The following IPCEF1 variants were observed in gnomAD, a reference collection of about 807,000 sequenced individuals.
IPCEF1 encodes interaction protein for cytohesin exchange factors 1.
Under a neutral mutation model 50.9 loss-of-function variants are expected in IPCEF1, and 31 were observed. The observed-to-expected ratio is 0.61, with a 90% CI of 0.46 to 0.82. The LOEUF (loss-of-function observed/expected upper bound fraction) is 0.82. IPCEF1 is among the 40% of genes least tolerant of loss of function. The pLI is 0.00. For missense variants in IPCEF1, 458 were observed against 514.0 expected, an observed-to-expected ratio of 0.89 and a Z score of 1.05; for synonymous variants, 181 against 192.0, an observed-to-expected ratio of 0.94 and a Z score of 0.47.
intron 10 of IPCEF1, among the ~76,000 whole-genome samples, chr6:154,177,025 C>G (rs1800391902): frequency 6.6e-6 from 1 of 152,154 alleles, no homozygotes; most frequent in Non-Finnish European, 1.5e-5. Context: ...CTGACAAAAA[C>G]AAGCAATGGG....
chr6:154,246,547 C>T (rs763481386), intron 5 of IPCEF1, 44 bp downstream of exon 5: 10 of 1,569,394 alleles, frequency 6.4e-6, no homozygotes, highest in Middle Eastern at 1.7e-4. Flanking sequence ...TTAACGTATC[C>T]CTCATTAAAA....
At chr6:154,280,273 AC>A (rs1361340888) in intron 2 of IPCEF1, among the ~76,000 whole-genome samples, 1 of 152,214 alleles carries the variant, frequency 6.6e-6, no homozygotes, top group East Asian at 1.9e-4. Context: ...AACAACCAGA[AC>A]AAAAAACAGG....
chr6:154,334,490 C>T (rs1000454095), intron 1 of IPCEF1, among the ~76,000 whole-genome samples: 2 of 152,156 alleles, frequency 1.3e-5, no homozygotes, highest in African/African-American at 2.4e-5. Flanking sequence ...TAAGGTTCTC[C>T]CAACCCACCC....
intron 10 of IPCEF1, among the ~76,000 whole-genome samples, chr6:154,186,746 G>C (rs924814770): frequency 6.6e-6 from 1 of 151,822 alleles, no homozygotes; most frequent in Non-Finnish European, 1.5e-5. Context: ...TTAGTAGAGA[G>C]GGGGTTTCAC....
At chr6:154,218,088 T>G (rs1307495096) in intron 7 of IPCEF1, among the ~76,000 whole-genome samples, 1 of 152,216 alleles carries the variant, frequency 6.6e-6, no homozygotes, top group Admixed American at 6.5e-5. Flanking sequence ...GCTAAGAACT[T>G]TTTTTAAAAC....
chr6:154,174,066 C>T (rs1250814720), intron 10 of IPCEF1, among the ~76,000 whole-genome samples: 1 of 152,120 alleles, frequency 6.6e-6, no homozygotes, highest in Non-Finnish European at 1.5e-5. Context: ...CATATCCAGC[C>T]AAACTAAGCT....
At chr6:154,330,957 C>T (rs1033196466) in intron 1 of IPCEF1, among the ~76,000 whole-genome samples, 2 of 152,126 alleles carry the variant, frequency 1.3e-5, no homozygotes, top group African/African-American at 4.8e-5. Context: ...CTCCTTCCTA[C>T]CCCAGGGATG....
chr6:154,321,123 G>A (rs1783363367), intron 1 of IPCEF1, among the ~76,000 whole-genome samples: 1 of 151,454 alleles, frequency 6.6e-6, no homozygotes, highest in Non-Finnish European at 1.5e-5. Flanking sequence ...TAGCGACGGG[G>A]TTTCTCTGTG....
At chr6:154,250,175 C>G (rs1465850500) in intron 3 of IPCEF1, among the ~76,000 whole-genome samples, 1 of 151,686 alleles carries the variant, frequency 6.6e-6, no homozygotes, top group Admixed American at 6.6e-5. Context: ...ATAGATTTTA[C>G]TCCTCACAAC....
At chr6:154,242,012 A>T (rs1469744401) in intron 5 of IPCEF1, among the ~76,000 whole-genome samples, 7 of 152,220 alleles carry the variant, frequency 4.6e-5, no homozygotes, top group Non-Finnish European at 1.5e-5. Flanking sequence ...ACTTTGAGCA[A>T]GTTACTTAAA....
intron 5 of IPCEF1, among the ~76,000 whole-genome samples, chr6:154,228,601 A>G (rs1424428033): frequency 6.6e-6 from 1 of 152,178 alleles, no homozygotes; most frequent in Non-Finnish European, 1.5e-5. Flanking sequence ...AGTTGCTGTC[A>G]TTAGGCAGCA....
intron 1 of IPCEF1, among the ~76,000 whole-genome samples, chr6:154,330,536 G>A (rs1173050503): frequency 6.6e-6 from 1 of 151,854 alleles, no homozygotes; most frequent in Non-Finnish European, 1.5e-5. Context: ...ATGTTGCCCA[G>A]GCTGGTCTAA....
At chr6:154,202,286 T>C (rs1777133526) in intron 9 of IPCEF1, among the ~76,000 whole-genome samples, 2 of 152,230 alleles carry the variant, frequency 1.3e-5, no homozygotes, top group South Asian at 4.1e-4. Context: ...AAGTACCTTG[T>C]AAACTGGTTA....
At chr6:154,200,461 C>T (rs1776971226) in intron 9 of IPCEF1, among the ~76,000 whole-genome samples, 1 of 152,210 alleles carries the variant, frequency 6.6e-6, no homozygotes, top group Non-Finnish European at 1.5e-5. Context: ...TGGCTCATGC[C>T]TGTAATCCCA....
chr6:154,177,432 A>T (rs1035774395), intron 10 of IPCEF1, among the ~76,000 whole-genome samples: 1 of 152,240 alleles, frequency 6.6e-6, no homozygotes, highest in Admixed American at 6.5e-5. Flanking sequence ...GAACATAAAC[A>T]AATTTATAAG....
rs960519697 is a variant in IPCEF1, at chr6:154,339,452, T to A, written c.-62+17220A>T. Among the ~76,000 whole-genome samples the A allele has an allele frequency of 9.2e-5, 14 of 151,470 alleles. 1 individual carries two copies. In the South Asian group the frequency reaches 1.9e-3, roughly 20 times the overall value. ...TTAATCTTTAATTTTTTTTTTTTTT[T>A]AATTTAGAGATAGCGTCTTGCTATA... On this transcript the variant is annotated intron_variant, in intron 1 of 11. Transcript: ENST00000367220.
chr6:154,288,685 A>C (rs907596173), intron 2 of IPCEF1, among the ~76,000 whole-genome samples: 352 of 27,032 alleles, frequency 0.013, 1 homozygote, highest in South Asian at 0.029. Context: ...ACAAAAAAAA[A>C]AAAAAAAAAA....
intron 1 of IPCEF1, among the ~76,000 whole-genome samples, chr6:154,346,085 G>A (rs112254512): frequency 2.0e-5 from 3 of 152,208 alleles, no homozygotes; most frequent in Admixed American, 6.5e-5. Context: ...TCCCAGGCTG[G>A]TGTCAAACTC....
chr6:154,238,451 A>G (rs2128633593), intron 5 of IPCEF1, among the ~76,000 whole-genome samples: 1 of 152,246 alleles, frequency 6.6e-6, no homozygotes, highest in Non-Finnish European at 1.5e-5. Flanking sequence ...ATTTTAATAC[A>G]GACAGGGTTT....
Sources: gnomAD v4.1 joint callset for allele counts (sites outside exome capture counted in the v4.1 genomes callset) on GRCh38, gnomAD v4.1.1 for gene constraint, MANE v1.5 for transcripts, NCBI Gene and HGNC (gene_info 2026-07-23, HGNC 2026-07-21) for gene names.